Variants in ADCY6 observed in about 807,000 individuals in gnomAD.
ADCY6 encodes adenylate cyclase type 6.
A neutral mutation model predicts 111.6 loss-of-function variants in ADCY6; 59 were observed. The ratio of observed to expected loss-of-function variants is 0.53; its 90% CI spans 0.43 to 0.66. ADCY6 has a LOEUF of 0.66. Ranked by LOEUF, ADCY6 falls within the 30% of genes least tolerant of loss-of-function variation. The pLI is 0.00. For missense variants in ADCY6, 1,242 were observed against 1,595.6 expected, an observed-to-expected ratio of 0.78 and a Z score of 3.78; for synonymous variants, 576 against 642.9, an observed-to-expected ratio of 0.90 and a Z score of 1.57.
chr12:48,773,383 G>A, intron 16 of ADCY6, 86 bp downstream of exon 16: 7 of 1,458,516 alleles, frequency 4.8e-6, no homozygotes, highest in Admixed American at 1.9e-5. Flanking sequence ...CAAGGCACAA[G>A]GGGCATGGGC....
rs765762616 is a variant in ADCY6 at position 48,768,917 on chromosome 12, C to T, written c.3381+20G>A. The T allele has an allele frequency of 1.9e-6, 3 of 1,597,182 alleles. No homozygotes were observed. The highest frequency in any genetic ancestry group is 1.1e-5 in the South Asian group (1 of 87,746). On this transcript the variant is annotated intron_variant, in intron 21 of 21. Transcript: ENST00000357869. ...CTCCGGGCCCATGTTCCTCCCAGCCCCTGCTCATATCCCCCTCACCTGGAT... is the reference window on the plus strand; with the variant it reads ...CTCCGGGCCCATGTTCCTCCCAGCCTCTGCTCATATCCCCCTCACCTGGAT...
chr12:48,771,875 G>A lies in ADCY6; in HGVS notation c.2886C>T (p.Ala962=). The stretch of plus-strand genomic sequence containing the variant: ...AGAGTTCATCATTGCGGCGCTCCCG[G>A]GCCAGGAAGTGGGCCGCCACGTCCT... ...LPKDVAAHFL[A]RERRNDELYY... Residue 962 remains alanine (A), a synonymous_variant, in exon 19 of 22, where the codon GCC becomes GCT. Transcript: ENST00000357869. The surrounding 1 kb of genome is among the most constrained non-coding windows in gnomAD (Gnocchi z 4.3). 6.2e-7 allele frequency: 1 copy of A among 1,614,140 alleles called. No homozygotes were observed. Among genetic ancestry groups the A allele is most frequent in the Non-Finnish European group, 8.5e-7 (1 of 1,180,030 alleles).
In ADCY6 at chr12:48,776,491, T is replaced by C. The variant is rs1353953554; in HGVS notation, c.1472A>G (p.Gln491Arg). 3 of 1,610,782 alleles carry C rather than the reference T, an allele frequency of 1.9e-6. No homozygotes were observed. Among genetic ancestry groups the C allele is most frequent in the Non-Finnish European group, 2.5e-6 (3 of 1,179,508 alleles). The change falls in exon 7 of 22, where the codon CAG becomes CGG. Residue 491 changes from glutamine (Q) to arginine (R), a missense_variant. This residue lies in a region of ADCY6 where 260 missense variants were observed against 414.6 expected (regional missense o/e 0.63). Coordinates refer to ENST00000357869, the MANE Select transcript of ADCY6 (RefSeq NM_015270.5). The surrounding 1 kb of genome is among the most constrained non-coding windows in gnomAD (Gnocchi z 6.1). ...HCGVLGLRKW[Q>R]FDVWSNDVTL... ...CACATCATTGGACCACACATCGAAC[T>C]GCCATTTCCGCAAGCCAAGGACGCC...
intron 20 of ADCY6, 114 bp from the exon 21 acceptor site, chr12:48,769,175 A>C (rs547771971): frequency 1.7e-6 from 2 of 1,170,778 alleles, no homozygotes; most frequent in South Asian, 4.3e-5. Flanking sequence ...AAAAAGGACA[A>C]GTCTCCTGGT....
Position 48,782,776 on chromosome 12 carries a change from G to C in ADCY6, c.659C>G (p.Ala220Gly), listed in dbSNP as rs368792367. 2 of 1,612,860 alleles carry C rather than the reference G, an allele frequency of 1.2e-6. No individual in the cohort carries two copies. The highest frequency in any genetic ancestry group is 3.3e-5 in the Admixed American group (2 of 59,838). ...VVSYVVLGIL[A>G]AVQVGGALAA... ...GAGAGCGCCCCCGACCTGCACTGCC[G>C]CCAGGATGCCCAGCACCACGTAGCT... The change falls in exon 2 of 22, where the codon GCG (alanine) becomes GGG (glycine). Residue 220 changes from alanine to glycine, a missense_variant. Physicochemically the swap from Ala to Gly is moderately conservative, Grantham distance 60. This residue lies in a region of ADCY6 where 362 missense variants were observed against 377.2 expected (regional missense o/e 0.96). Coordinates refer to ENST00000357869, the MANE Select transcript of ADCY6 (RefSeq NM_015270.5). The surrounding 1 kb of genome is among the most constrained non-coding windows in gnomAD (Gnocchi z 4.3).
At chr12:48,774,929 G>T in intron 12 of ADCY6, 28 bp downstream of exon 12, 3 of 1,543,908 alleles carry the variant, frequency 1.9e-6, no homozygotes, top group South Asian at 1.2e-5. Flanking sequence ...GAAGAGAGAA[G>T]CTAAGAGAGG....
chr12:48,774,611 C>T, intron 13 of ADCY6, 80 bp downstream of exon 13: 1 of 1,564,328 alleles, frequency 6.4e-7, no homozygotes, highest in Non-Finnish European at 8.8e-7. Context: ...GCATGGCCTT[C>T]TCCCTCTCCC....
chr12:48,779,350 G>A (rs537148250), intron 2 of ADCY6, among the ~76,000 whole-genome samples: 1 of 152,274 alleles, frequency 6.6e-6, no homozygotes, highest in African/African-American at 2.4e-5. Context: ...CAAATCCTGT[G>A]TCCTAATCCT....
chr12:48,768,137 G>C lies in ADCY6; in HGVS notation c.*454C>G, dbSNP rs1941424721. The C allele has an allele frequency of 1.3e-5, 3 of 224,396 alleles. No homozygotes were observed. The Admixed American group carries it at 1.6e-4, about 12-fold the overall frequency. 13.9% of individuals were successfully genotyped at this position (224,396 alleles called of 1,614,324 possible). A position where few individuals can be genotyped will look rare whatever the true frequency, so the allele number is the denominator to read the frequency against. ...GTATTGCAAAGGCAAGCATGGAATA[G>C]GCACTCCTCATGCCTGTCTTTGTAC... On this transcript the variant is annotated 3_prime_UTR_variant, in exon 22 of 22. Coordinates refer to ENST00000357869, the MANE Select transcript of ADCY6 (RefSeq NM_015270.5).
At chr12:48,772,593 G>C (rs375329321) in intron 16 of ADCY6, 50 bp from the exon 17 acceptor site, 3 of 1,607,722 alleles carry the variant, frequency 1.9e-6, no homozygotes, top group African/African-American at 2.7e-5. Context: ...CTGGATTGCT[G>C]GGTGGGCACA....
intron 1 of ADCY6, among the ~76,000 whole-genome samples, chr12:48,786,528 A>G (rs1941982634): frequency 6.6e-6 from 1 of 152,128 alleles, no homozygotes; most frequent in African/African-American, 2.4e-5. Flanking sequence ...ACACCCGGCT[A>G]AATTTTGTAT....
In ADCY6 at chr12:48,776,097, CG is replaced by C. The variant is rs1555165521; in HGVS notation, c.1678-7del. 4 of 1,613,648 alleles carry C rather than the reference CG, an allele frequency of 2.5e-6. No homozygotes were observed. The highest frequency in any genetic ancestry group is 3.4e-6 in the Non-Finnish European group (4 of 1,179,784). On this transcript the variant is annotated splice_region_variant and splice_polypyrimidine_tract_variant and intron_variant, in intron 8 of 21. Transcript: ENST00000357869. This position sits in a 1 kb window ranked among gnomAD's most constrained non-coding sequence, Gnocchi z 6.1. The stretch of plus-strand genomic sequence containing the variant: ...AGCATGGCCTTCTCCTCTTTCTGTG[CG>C]GGCAGCATGGGTACAGGCTCAGAAG...
chr12:48,775,476 C>A, intron 10 of ADCY6, 26 bp from the exon 11 acceptor site: 1 of 1,613,344 alleles, frequency 6.2e-7, no homozygotes, highest in Non-Finnish European at 8.5e-7. Context: ...ATGGTTTCAC[C>A]AGTTGCATGG....
chr12:48,773,821 C>G (rs557100694), intron 15 of ADCY6, 119 bp downstream of exon 15: 1 of 1,473,172 alleles, frequency 6.8e-7, no homozygotes, highest in East Asian at 2.5e-5. Flanking sequence ...CTGGTTGCTC[C>G]TAGTGTGGGA....
chr12:48,771,069 T>G lies in ADCY6; in HGVS notation c.3052-99A>C. ...GCCACGCCTTGGCTGCCTTCCCCAC[T>G]TCCCTGTCTCAAGAGCCCCCTTCCA... On this transcript the variant is annotated intron_variant, in intron 19 of 21. Coordinates refer to ENST00000357869, the MANE Select transcript of ADCY6 (RefSeq NM_015270.5). The surrounding 1 kb of genome is among the most constrained non-coding windows in gnomAD (Gnocchi z 4.3). 1.7e-6 allele frequency: 2 copies of G among 1,211,588 alleles called. No individual in the cohort carries two copies. The highest frequency in any genetic ancestry group is 1.4e-5 in the South Asian group (1 of 71,418). 75.1% of individuals were successfully genotyped at this position (1,211,588 alleles called of 1,614,324 possible). A position where few individuals can be genotyped will look rare whatever the true frequency, so the allele number is the denominator to read the frequency against.
chr12:48,773,227 T>A (rs899146484), intron 16 of ADCY6, among the ~76,000 whole-genome samples: 2 of 151,938 alleles, frequency 1.3e-5, no homozygotes, highest in African/African-American at 4.8e-5. Flanking sequence ...CATGCAAATG[T>A]AAGAGGGAAT....
At chr12:48,768,778 C>G in intron 21 of ADCY6, 62 bp from the exon 22 acceptor site, 1 of 1,592,178 alleles carries the variant, frequency 6.3e-7, no homozygotes, top group Non-Finnish European at 8.6e-7. Context: ...TTGCAGGGGC[C>G]CAGGGGTTCT....
intron 9 of ADCY6, 119 bp downstream of exon 9, chr12:48,775,844 G>C: frequency 6.6e-7 from 1 of 1,516,648 alleles, no homozygotes; most frequent in Non-Finnish European, 8.9e-7. Context: ...TCTTCTCACT[G>C]CCCCAATACC....
Position 48,784,315 on chromosome 12 carries a change from GAAATA to G in ADCY6, c.-4-882_-4-878del, listed in dbSNP as rs201262016. On this transcript the variant is annotated intron_variant, in intron 1 of 21. Coordinates refer to ENST00000357869, the MANE Select transcript of ADCY6 (RefSeq NM_015270.5). ...AGGGAAGGAAGGGAGGGAAGGGAGG[GAAATA>G]AAATAAAATAAAATAAAATAAAATA... Among the ~76,000 whole-genome samples the G allele has an allele frequency of 1.2e-4, 15 of 126,594 alleles. No homozygotes were observed. In the East Asian group the frequency reaches 1.5e-3, roughly 13 times the overall value. The allele number at this position is 126,594 out of a possible 152,430, so 83.1% of individuals were successfully genotyped here.
Sources: gnomAD v4.1 joint callset for allele counts (sites outside exome capture counted in the v4.1 genomes callset) on GRCh38, gnomAD v4.1.1 for gene constraint, gnomAD v4.1.1 regional missense constraint, Gnocchi (gnomAD v3.1) non-coding constraint, MANE v1.5 for transcripts, NCBI Gene and HGNC (gene_info 2026-07-23, HGNC 2026-07-21) for gene names.